STK17A: variants seen among roughly 807,000 people sequenced by gnomAD.
The protein encoded by STK17A is serine/threonine kinase 17a.
STK17A carries 26 observed loss-of-function variants against 43.7 expected under a neutral mutation model. The ratio of observed to expected loss-of-function variants is 0.60; its 90% CI spans 0.44 to 0.83. The LOEUF is 0.83. Ranked by LOEUF, STK17A falls within the 40% of genes least tolerant of loss-of-function variation. STK17A has a pLI of 0.00. For missense variants in STK17A, 476 were observed against 511.6 expected (o/e 0.93, Z 0.67); for synonymous variants, 191 against 182.5 (o/e 1.05, Z -0.38).
intron 2 of STK17A, among the ~76,000 whole-genome samples, chr7:43,603,936 G>A (rs776410728): frequency 6.6e-6 from 1 of 152,116 alleles, no homozygotes; most frequent in African/African-American, 2.4e-5. Flanking sequence ...AGCTCATTAT[G>A]TATATGCTAA....
chr7:43,625,843 A>G lies in STK17A; in HGVS notation c.*1001A>G, dbSNP rs1211461456. 6.6e-6 allele frequency: 1 copy of G among 152,190 alleles called. No individual in the cohort carries two copies. Among genetic ancestry groups the G allele is most frequent in the East Asian group, 1.9e-4 (1 of 5,204 alleles). 9.4% of individuals were successfully genotyped at this position (152,190 alleles called of 1,614,324 possible). ...TATCAGCCCTCAAGCTATGCTAGGA[A>G]AAGTTATAAAATGCCAAAATATTTA... On this transcript the variant is annotated 3_prime_UTR_variant, in exon 7 of 7. Coordinates refer to ENST00000319357, the MANE Select transcript of STK17A (RefSeq NM_004760.3).
chr7:43,597,561 AT>A (rs1021521461), intron 2 of STK17A, among the ~76,000 whole-genome samples: 2 of 151,694 alleles, frequency 1.3e-5, no homozygotes, highest in Admixed American at 6.6e-5. Context: ...AATTTTTTGT[AT>A]TTTTTTTAGA....
At chr7:43,601,800 T>G (rs2082557427) in intron 2 of STK17A, among the ~76,000 whole-genome samples, 1 of 152,112 alleles carries the variant, frequency 6.6e-6, no homozygotes, top group Non-Finnish European at 1.5e-5. Flanking sequence ...TGGAAGGACT[T>G]GGATCGTTTT....
intron 6 of STK17A, 131 bp from the exon 7 acceptor site, chr7:43,624,387 C>A: frequency 2.4e-6 from 2 of 848,646 alleles, no homozygotes; most frequent in Non-Finnish European, 1.7e-6. Context: ...TAGTTTTATT[C>A]AGGAATCACA....
chr7:43,608,225 T>A lies in STK17A; in HGVS notation c.420-31T>A, dbSNP rs747866371. 1.9e-6 allele frequency: 3 copies of A among 1,593,048 alleles called. No individual in the cohort carries two copies. In the Admixed American group the frequency reaches 5.5e-5, roughly 29 times the overall value. On this transcript the variant is annotated intron_variant, in intron 2 of 6. Transcript: ENST00000319357. ...TAAGTGTTCGCCATTTCTTATGAGTTATATATTACTTTAATTTTGCCCTTC... is the reference window on the plus strand; with the variant it reads ...TAAGTGTTCGCCATTTCTTATGAGTAATATATTACTTTAATTTTGCCCTTC...
rs747768998 is a variant in STK17A at position 43,624,840 on chromosome 7, T to C, written c.1243T>C (p.Ter415ArgextTer13). Reference protein sequence around the residue: ...LQEIPGEFIY* With the variant: ...LQEIPGEFIYR ...AGAAATTCCAGGAGAATTTATCTAC[T>C]GAGCAATATTTCCCTTTAGAACTTC... The change falls in exon 7 of 7, where the codon TGA becomes CGA. Residue 415 changes from the stop codon to arginine (R), a stop_lost. Coordinates refer to ENST00000319357, the MANE Select transcript of STK17A (RefSeq NM_004760.3). The C allele has an allele frequency of 6.3e-7, 1 of 1,591,472 alleles. No individual in the cohort carries two copies. Among genetic ancestry groups the C allele is most frequent in the Non-Finnish European group, 8.6e-7 (1 of 1,169,574 alleles).
intron 3 of STK17A, among the ~76,000 whole-genome samples, chr7:43,612,958 A>G (rs765194352): frequency 1.3e-5 from 2 of 152,212 alleles, no homozygotes; most frequent in Non-Finnish European, 2.9e-5. Flanking sequence ...AATCTGAGAA[A>G]CAACAACCCT....
Position 43,619,657 on chromosome 7 carries a change from G to C in STK17A, c.625G>C (p.Gly209Arg). 1 of 1,614,006 alleles carries C rather than the reference G, an allele frequency of 6.2e-7. No homozygotes were observed. The highest frequency in any genetic ancestry group is 8.5e-7 in the Non-Finnish European group (1 of 1,179,970). The change falls in exon 4 of 7, where the codon GGC (glycine) becomes CGC (arginine). Residue 209 changes from glycine (G) to arginine (R), a missense_variant. By Grantham distance (125) the Gly-to-Arg change is moderately radical. Transcript: ENST00000319357. ...GGGTGACATTAAGATTGTTGATTTT[G>C]GCCTTTCAAGAATATTGAAGAACAG... Reference protein sequence around the residue: ...PLGDIKIVDFGLSRILKNSEE... With the variant: ...PLGDIKIVDFRLSRILKNSEE...
Position 43,625,588 on chromosome 7 carries a change from A to T in STK17A, c.*746A>T, listed in dbSNP as rs1040898536. ...CACTCACATGCATCTGTTCTCTCTC[A>T]CACTCTATACCCCTGCCACTTCCTG... On this transcript the variant is annotated 3_prime_UTR_variant, in exon 7 of 7. Transcript: ENST00000319357. The T allele has an allele frequency of 6.6e-5, 10 of 152,182 alleles. No individual in the cohort carries two copies. Among genetic ancestry groups the T allele is most frequent in the Non-Finnish European group, 1.2e-4 (8 of 68,160 alleles). 9.4% of individuals were successfully genotyped at this position (152,182 alleles called of 1,614,324 possible).
chr7:43,586,124 A>G, intron 1 of STK17A, among the ~76,000 whole-genome samples: 1 of 151,674 alleles, frequency 6.6e-6, no homozygotes, highest in East Asian at 1.9e-4. Context: ...CACGCTGATA[A>G]AGAACTTGGA....
chr7:43,584,719 AC>A (rs988188914), intron 1 of STK17A, among the ~76,000 whole-genome samples: 7 of 152,162 alleles, frequency 4.6e-5, no homozygotes, highest in Admixed American at 4.6e-4. Context: ...ACAAAGTCTT[AC>A]TTATTCCTAA....
chr7:43,586,486 A>G (rs1037393089), intron 1 of STK17A, among the ~76,000 whole-genome samples: 1 of 151,464 alleles, frequency 6.6e-6, no homozygotes, highest in Non-Finnish European at 1.5e-5. Flanking sequence ...TTGAAGCTTG[A>G]CTGGTTAAGG....
At chr7:43,622,132 G>C (rs2083959049) in intron 4 of STK17A, among the ~76,000 whole-genome samples, 1 of 152,150 alleles carries the variant, frequency 6.6e-6, no homozygotes, top group Non-Finnish European at 1.5e-5. Flanking sequence ...TAAGCTATTG[G>C]TATTTCCTGT....
intron 2 of STK17A, among the ~76,000 whole-genome samples, chr7:43,601,964 G>A (rs916686624): frequency 6.6e-6 from 1 of 151,622 alleles, no homozygotes; most frequent in African/African-American, 2.4e-5. Flanking sequence ...TACCATTCAT[G>A]AGATACCTAG....
intron 3 of STK17A, among the ~76,000 whole-genome samples, chr7:43,610,726 TAG>T (rs980979059): frequency 6.6e-6 from 1 of 152,016 alleles, no homozygotes; most frequent in Non-Finnish European, 1.5e-5. Context: ...TATAGATAGA[TAG>T]AGTCATACTA....
intron 3 of STK17A, among the ~76,000 whole-genome samples, chr7:43,618,790 T>C (rs1317853674): frequency 6.6e-6 from 1 of 152,160 alleles, no homozygotes. Context: ...CCCATTACTG[T>C]ACATGTCCTC....
Position 43,624,788 on chromosome 7 carries a change from A to G in STK17A, c.1191A>G (p.Arg397=). The change falls in exon 7 of 7, where the codon CGA becomes CGG. Residue 397 remains arginine, a synonymous_variant. Transcript: ENST00000319357. The part of the protein sequence containing the change: ...EKMEQKAISK[R]FKFEEPLLQE... ...TGGAGCAAAAGGCCATTTCCAAACG[A>G]TTTAAATTTGAGGAACCTTTGCTAC... The G allele has an allele frequency of 2.5e-6, 4 of 1,610,792 alleles. 1 individual carries two copies. In the Admixed American group the frequency reaches 6.7e-5, roughly 27 times the overall value.
chr7:43,583,126 T>C lies in STK17A; in HGVS notation c.-118T>C. On this transcript the variant is annotated 5_prime_UTR_variant, in exon 1 of 7. Coordinates refer to ENST00000319357, the MANE Select transcript of STK17A (RefSeq NM_004760.3). ...GCCTGCCGCAGTCCGAGCGCCGCGCTGGGGAGAGCGGGTGTTTGAAGGCTC... is the reference window on the plus strand; with the variant it reads ...GCCTGCCGCAGTCCGAGCGCCGCGCCGGGGAGAGCGGGTGTTTGAAGGCTC... The C allele has an allele frequency of 2.7e-6, 3 of 1,111,216 alleles. No individual in the cohort carries two copies. Among genetic ancestry groups the C allele is most frequent in the Non-Finnish European group, 3.8e-6 (3 of 791,138 alleles). The allele number at this position is 1,111,216 out of a possible 1,614,324, so 68.8% of individuals were successfully genotyped here. A position where few individuals can be genotyped will look rare whatever the true frequency, so the allele number is the denominator to read the frequency against.
At chr7:43,610,777 TATAA>T (rs1261832179) in intron 3 of STK17A, among the ~76,000 whole-genome samples, 2 of 152,108 alleles carry the variant, frequency 1.3e-5, no homozygotes, top group Non-Finnish European at 2.9e-5. Flanking sequence ...TTTAATACTA[TATAA>T]ATAACTGCTT....
Sources: gnomAD v4.1 joint callset for allele counts (sites outside exome capture counted in the v4.1 genomes callset) on GRCh38, gnomAD v4.1.1 for gene constraint, MANE v1.5 for transcripts, NCBI Gene and HGNC (gene_info 2026-07-23, HGNC 2026-07-21) for gene names.